The following MYH11 variants were observed in gnomAD, a reference collection of about 807,000 sequenced individuals.
The protein encoded by MYH11 is myosin heavy chain 11.
Under a neutral mutation model 246.6 loss-of-function variants are expected in MYH11, and 80 were observed. The ratio of observed to expected loss-of-function variants is 0.32; its 90% CI spans 0.27 to 0.39. MYH11 has a LOEUF of 0.39. MYH11 is among the 10% of genes least tolerant of loss of function. The probability of loss-of-function intolerance (pLI) is 1.00; values close to 1 mark genes in which losing one functional copy is unlikely to be tolerated. For synonymous variants in MYH11, 1,071 were observed against 1,015.5 expected (o/e 1.05, Z -1.04); for missense variants, 2,158 against 2,546.8 (o/e 0.85, Z 3.29).
intron 3 of MYH11, among the ~76,000 whole-genome samples, chr16:15,817,262 C>T (rs193119183): frequency 3.0e-4 from 46 of 152,150 alleles, no homozygotes; most frequent in Middle Eastern, 3.4e-3. Flanking sequence ...GAGGTTGAGG[C>T]GGGCAGATCA....
At chr16:15,834,548 GAAAGAA>G (rs981870062) in intron 2 of MYH11, among the ~76,000 whole-genome samples, 3 of 149,488 alleles carry the variant, frequency 2.0e-5, no homozygotes, top group African/African-American at 7.4e-5. Context: ...AAAGAAGAAA[GAAAGAA>G]AAAGAAAATG....
intron 9 of MYH11, among the ~76,000 whole-genome samples, chr16:15,766,427 G>A (rs914351433): frequency 6.7e-6 from 1 of 150,050 alleles, no homozygotes; most frequent in African/African-American, 2.5e-5. Context: ...GGAGTGCATT[G>A]GTGCAATCTC....
intron 27 of MYH11, among the ~76,000 whole-genome samples, chr16:15,730,154 G>A (rs1319257166): frequency 2.0e-5 from 3 of 151,968 alleles, no homozygotes; most frequent in African/African-American, 7.3e-5. Flanking sequence ...TAAGTTTCCT[G>A]AGGCCTCCCC....
intron 40 of MYH11, chr16:15,708,738 C>G (rs569219458): frequency 6.6e-7 from 1 of 1,517,342 alleles, no homozygotes; most frequent in African/African-American, 1.4e-5. Context: ...GGCAGAGGGG[C>G]GCATTGGGCA....
intron 10 of MYH11, among the ~76,000 whole-genome samples, chr16:15,762,164 G>A (rs536637854): frequency 6.6e-6 from 1 of 152,220 alleles, no homozygotes; most frequent in South Asian, 2.1e-4. Flanking sequence ...TAGTAGAGAT[G>A]GGGTTTCACC....
At chr16:15,740,869 T>C (rs2041254181) in intron 22 of MYH11, among the ~76,000 whole-genome samples, 1 of 152,192 alleles carries the variant, frequency 6.6e-6, no homozygotes, top group Non-Finnish European at 1.5e-5. Context: ...GCATTGCGGC[T>C]TCCTTTCTCC....
At chr16:15,825,279 T>C (rs1405535145) in intron 2 of MYH11, among the ~76,000 whole-genome samples, 1 of 150,908 alleles carries the variant, frequency 6.6e-6, no homozygotes, top group Admixed American at 6.7e-5. Context: ...CCAAGTGTAG[T>C]GGCTCATGCC....
At chr16:15,722,821 A>G (rs925937203) in intron 31 of MYH11, among the ~76,000 whole-genome samples, 6 of 151,996 alleles carry the variant, frequency 3.9e-5, no homozygotes, top group East Asian at 1.9e-4. Context: ...GCTCACTGCA[A>G]CCTCCACCCC....
chr16:15,833,885 C>G (rs1002221751), intron 2 of MYH11, among the ~76,000 whole-genome samples: 1 of 152,052 alleles, frequency 6.6e-6, no homozygotes, highest in South Asian at 2.1e-4. Flanking sequence ...CCGTCATGGA[C>G]GACGGTTTCT....
At chr16:15,829,642 G>A (rs1352783714) in intron 2 of MYH11, among the ~76,000 whole-genome samples, 2 of 152,160 alleles carry the variant, frequency 1.3e-5, no homozygotes, top group African/African-American at 4.8e-5. Flanking sequence ...GCATCTCATG[G>A]GCCCTGTGCC....
intron 31 of MYH11, among the ~76,000 whole-genome samples, chr16:15,721,977 C>T (rs913088500): frequency 3.3e-5 from 5 of 152,152 alleles, no homozygotes; most frequent in Admixed American, 6.6e-5. Flanking sequence ...CCTGCCTCAG[C>T]CTCCAGAGTA....
chr16:15,720,257 G>A lies in MYH11; in HGVS notation c.4847C>T (p.Ala1616Val), dbSNP rs1268694978. 2 of 1,614,130 alleles carry A rather than the reference G, an allele frequency of 1.2e-6. No individual in the cohort carries two copies. The highest frequency in any genetic ancestry group is 1.7e-6 in the Non-Finnish European group (2 of 1,180,030). The change falls in exon 34 of 41, where the codon GCT (alanine) becomes GTT (valine). Residue 1616 changes from alanine (A) to valine (V), a missense_variant. By Grantham distance (64) the Ala-to-Val change is moderately conservative. Transcript: ENST00000300036. ...EDERKQRALA[A>V]AAKKKLEGDL... ...CCCTTCCAGCTTCTTCTTTGCTGCAGCTGCCAGGGCACGTTGCTTTCGCTC... is the reference window on the plus strand; with the variant it reads ...CCCTTCCAGCTTCTTCTTTGCTGCAACTGCCAGGGCACGTTGCTTTCGCTC...
chr16:15,737,304 T>C (rs755881139), intron 25 of MYH11, 145 bp downstream of exon 25: 728 of 970,804 alleles, frequency 7.5e-4, no homozygotes, highest in Non-Finnish European at 1.1e-3. Flanking sequence ...TCGAGAAGGC[T>C]TGTGGGAGGC....
At chr16:15,777,247 G>C (rs747516952) in intron 7 of MYH11, among the ~76,000 whole-genome samples, 77 of 152,068 alleles carry the variant, frequency 5.1e-4, no homozygotes, top group Admixed American at 2.3e-3. Context: ...TCAGCCTCCT[G>C]AGTAGCTGGG....
chr16:15,710,701 A>G (rs1358864496), intron 40 of MYH11, among the ~76,000 whole-genome samples: 1 of 148,796 alleles, frequency 6.7e-6, no homozygotes, highest in African/African-American at 2.5e-5. Context: ...TTTTTTTTGG[A>G]GACAGAGTCT....
intron 6 of MYH11, 27 bp from the exon 7 acceptor site, chr16:15,778,870 C>A: frequency 1.2e-6 from 2 of 1,612,242 alleles, no homozygotes; most frequent in Non-Finnish European, 1.7e-6. Context: ...ACAGTTCAGG[C>A]TTTGCTGCCC....
chr16:15,725,056 CT>C, intron 28 of MYH11, 64 bp from the exon 29 acceptor site: 2 of 1,410,662 alleles, frequency 1.4e-6, no homozygotes, highest in Non-Finnish European at 2.0e-6. Context: ...GAAAGGAGCC[CT>C]TTTTACTCAA....
chr16:15,853,709 T>C (rs1057185976), intron 1 of MYH11, among the ~76,000 whole-genome samples: 3 of 152,122 alleles, frequency 2.0e-5, no homozygotes, highest in Non-Finnish European at 4.4e-5. Context: ...AAAAAGGCCA[T>C]CCCTTAAAGT....
intron 3 of MYH11, among the ~76,000 whole-genome samples, chr16:15,805,258 A>G (rs2151330144): frequency 6.6e-6 from 1 of 152,310 alleles, no homozygotes; most frequent in Non-Finnish European, 1.5e-5. Context: ...ATGGAGGAAA[A>G]GTGCTTTGAG....
Sources: gnomAD v4.1 joint callset for allele counts (sites outside exome capture counted in the v4.1 genomes callset) on GRCh38, gnomAD v4.1.1 for gene constraint, MANE v1.5 for transcripts, NCBI Gene and HGNC (gene_info 2026-07-23, HGNC 2026-07-21) for gene names.